DLC1: variants seen among roughly 807,000 people sequenced by gnomAD.
The protein encoded by DLC1 is rho GTPase-activating protein 7.
A neutral mutation model predicts 140.3 loss-of-function variants in DLC1; 54 were observed. The ratio of observed to expected loss-of-function variants is 0.38; its 90% CI spans 0.31 to 0.48. DLC1 has a LOEUF of 0.48. Ranked by LOEUF, DLC1 falls within the 20% of genes least tolerant of loss-of-function variation. The pLI is 0.96. For synonymous variants in DLC1, 986 were observed against 728.1 expected (o/e 1.35, Z -5.70); for missense variants, 2,536 against 1,907.0 (o/e 1.33, Z -6.14).
At chr8:13,348,771 T>C (rs773142389) in intron 4 of DLC1, among the ~76,000 whole-genome samples, 5 of 151,966 alleles carry the variant, frequency 3.3e-5, no homozygotes, top group Non-Finnish European at 7.4e-5. Flanking sequence ...AAGACACAGA[T>C]GTAATGCAAA....
chr8:13,135,245 C>G (rs567029146), intron 5 of DLC1, among the ~76,000 whole-genome samples: 1 of 150,186 alleles, frequency 6.7e-6, no homozygotes, highest in African/African-American at 2.4e-5. Context: ...CGCTGTGTCG[C>G]CCAGGCTGGA....
At chr8:13,383,185 C>G (rs994017018) in intron 4 of DLC1, among the ~76,000 whole-genome samples, 4 of 152,168 alleles carry the variant, frequency 2.6e-5, no homozygotes, top group Non-Finnish European at 5.9e-5. Context: ...TGGATCAACC[C>G]CAGGAAGCGG....
At chr8:13,535,150 T>G (rs1803233675) in intron 1 of DLC1, among the ~76,000 whole-genome samples, 1 of 152,074 alleles carries the variant, frequency 6.6e-6, no homozygotes, top group African/African-American at 2.4e-5. Context: ...CAGAAGACAT[T>G]AAGAAAAAAC....
intron 4 of DLC1, among the ~76,000 whole-genome samples, chr8:13,327,120 A>ATTTTTTTTTTTT (rs34667525): frequency 8.2e-5 from 7 of 85,660 alleles, no homozygotes; most frequent in Non-Finnish European, 8.6e-5. Flanking sequence ...ACACCCGGCT[A>ATTTTTTTTTTTT]TTTTTTTTTT....
intron 1 of DLC1, chr8:13,584,506 A>G (rs1805233194): frequency 6.6e-6 from 1 of 152,164 alleles, no homozygotes; most frequent in South Asian, 2.1e-4. Flanking sequence ...ATATCATTTG[A>G]CTGTAGAATT....
intron 2 of DLC1, among the ~76,000 whole-genome samples, chr8:13,464,105 G>A (rs1260501668): frequency 1.3e-5 from 2 of 152,160 alleles, no homozygotes; most frequent in Non-Finnish European, 1.5e-5. Flanking sequence ...AACCAGCAGG[G>A]TTGTTGTTGG....
At chr8:13,524,466 G>A (rs969058963) in intron 1 of DLC1, among the ~76,000 whole-genome samples, 8 of 151,964 alleles carry the variant, frequency 5.3e-5, no homozygotes, top group South Asian at 4.2e-4. Context: ...GTTGCTTTTC[G>A]CTATGTATTT....
intron 2 of DLC1, among the ~76,000 whole-genome samples, chr8:13,480,765 C>T (rs927825924): frequency 1.2e-4 from 18 of 152,016 alleles, no homozygotes; most frequent in Admixed American, 2.0e-4. Context: ...ATTTGCCAGG[C>T]GTGGTAGCAT....
At chr8:13,280,301 A>G (rs1021706708) in intron 5 of DLC1, among the ~76,000 whole-genome samples, 5 of 151,250 alleles carry the variant, frequency 3.3e-5, no homozygotes, top group Non-Finnish European at 2.9e-5. Context: ...AAAAAAAAAA[A>G]AAAAAAAAAG....
intron 4 of DLC1, chr8:13,353,583 C>T (rs1586191294): frequency 1.3e-5 from 2 of 152,152 alleles, no homozygotes; most frequent in South Asian, 2.1e-4. Context: ...AGGCCAGGCG[C>T]GGGTGGCTCA....
At chr8:13,367,071 A>G (rs1427258164) in intron 4 of DLC1, among the ~76,000 whole-genome samples, 1 of 152,034 alleles carries the variant, frequency 6.6e-6, no homozygotes, top group Non-Finnish European at 1.5e-5. Flanking sequence ...GTATTTTATA[A>G]TGCTAAAAAT....
At chr8:13,367,683 C>G (rs115722814) in intron 4 of DLC1, among the ~76,000 whole-genome samples, 232 of 152,276 alleles carry the variant, frequency 1.5e-3, no homozygotes, top group African/African-American at 5.3e-3. Flanking sequence ...GTGAAATACT[C>G]TGTAGTAGAA....
chr8:13,583,663 A>G (rs1020368648), intron 1 of DLC1, among the ~76,000 whole-genome samples: 1 of 152,240 alleles, frequency 6.6e-6, no homozygotes, highest in Non-Finnish European at 1.5e-5. Flanking sequence ...AGGATTGACA[A>G]CAAAGACAAA....
intron 5 of DLC1, among the ~76,000 whole-genome samples, chr8:13,188,634 T>G (rs1358374133): frequency 7.2e-6 from 1 of 138,138 alleles, no homozygotes; most frequent in Non-Finnish European, 1.6e-5. Context: ...AGACAGAGTC[T>G]TGCTCTGTAG....
At chr8:13,140,298 C>G (rs1317117905) in intron 5 of DLC1, among the ~76,000 whole-genome samples, 1 of 152,074 alleles carries the variant, frequency 6.6e-6, no homozygotes, top group Non-Finnish European at 1.5e-5. Flanking sequence ...AGTGGTGTGA[C>G]CATAACTCAC....
At chr8:13,468,838 T>TTTTTTTTTTG in intron 2 of DLC1, among the ~76,000 whole-genome samples, 1 of 144,422 alleles carries the variant, frequency 6.9e-6, no homozygotes, top group Middle Eastern at 3.7e-3. Flanking sequence ...TTTTTTTTTT[T>TTTTTTTTTTG]TAAGATGGAG....
intron 1 of DLC1, among the ~76,000 whole-genome samples, chr8:13,532,143 G>A (rs1457629029): frequency 6.6e-6 from 1 of 152,198 alleles, no homozygotes; most frequent in East Asian, 1.9e-4. Flanking sequence ...AGTGGCTCAT[G>A]CCTGTAATTC....
In DLC1 at chr8:13,276,449, G is replaced by C. The variant is rs189652898; in HGVS notation, c.1348+28820C>G. The C allele has an allele frequency of 6.2e-5, 87 of 1,403,234 alleles. No individual in the cohort carries two copies. The African/African-American group carries it at 9.7e-4, about 16-fold the overall frequency. The allele number at this position is 1,403,234 out of a possible 1,614,324, so 86.9% of individuals were successfully genotyped here. On this transcript the variant is annotated intron_variant, in intron 5 of 17. Coordinates refer to ENST00000276297, the MANE Select transcript of DLC1 (RefSeq NM_182643.3). ...AGCCCGGGCGCCGCGACCATGCCTC[G>C]GTACTCCGCCCCGCGCTGTGCTCCC...
At chr8:13,218,706 T>C (rs942393799) in intron 5 of DLC1, among the ~76,000 whole-genome samples, 2 of 149,668 alleles carry the variant, frequency 1.3e-5, no homozygotes, top group Non-Finnish European at 3.0e-5. Context: ...TTTGAAATAG[T>C]TTGGCAGTTT....
Sources: gnomAD v4.1 joint callset for allele counts (sites outside exome capture counted in the v4.1 genomes callset) on GRCh38, gnomAD v4.1.1 for gene constraint, MANE v1.5 for transcripts, NCBI Gene and HGNC (gene_info 2026-07-23, HGNC 2026-07-21) for gene names.